Variants in AK7 observed in about 807,000 individuals in gnomAD.
AK7 encodes ATP-AMP transphosphorylase 7.
In AK7, 78 loss-of-function variants were observed where a neutral mutation model predicts 96.6. The ratio of observed to expected loss-of-function variants is 0.81; its 90% confidence interval spans 0.67 to 0.97. AK7 has a LOEUF of 0.97. AK7 is among the 50% of genes least tolerant of loss of function. AK7 has a pLI of 0.00. For synonymous variants in AK7, 302 were observed against 317.2 expected, an observed-to-expected ratio of 0.95 and a Z score of 0.51; for missense variants, 855 against 887.9, an observed-to-expected ratio of 0.96 and a Z score of 0.47.
At chr14:96,446,981 A>T (rs1486418640) in intron 8 of AK7, among the ~76,000 whole-genome samples, 3 of 152,118 alleles carry the variant, frequency 2.0e-5, no homozygotes, top group Non-Finnish European at 4.4e-5. Flanking sequence ...AATAAATTAA[A>T]AAGTTTTGCC....
In AK7 at chr14:96,483,141, G is replaced by C. The variant is rs1335124986; in HGVS notation, c.1896G>C (p.Arg632Ser). The C allele has an allele frequency of 6.2e-7, 1 of 1,613,952 alleles. No individual in the cohort carries two copies. Among genetic ancestry groups the C allele is most frequent in the Non-Finnish European group, 8.5e-7 (1 of 1,180,022 alleles). The change falls in exon 16 of 18, where the codon AGG becomes AGC. Residue 632 changes from arginine (R) to serine (S), a missense_variant. Arg to Ser is a moderately radical substitution (Grantham distance 110). Transcript: ENST00000267584. ...ERKAAEERLAREAAEEAEREH... is the reference protein window; with the variant it reads ...ERKAAEERLASEAAEEAEREH... ...AGGCTGCGGAGGAGCGGCTGGCCAG[G>C]GAGGCTGCTGAGGAAGCAGAACGCG...
At position 96,420,978 on chromosome 14, in the gene AK7, A is replaced by G. The variant is rs74086482; in HGVS notation, c.609+46A>G. The G allele has an allele frequency of 0.015, 19,760 of 1,340,484 alleles. 2,267 individuals carry two copies. The African/African-American group carries it at 0.25, about 17-fold the overall frequency. 83.0% of individuals were successfully genotyped at this position (1,340,484 alleles called of 1,614,324 possible). On this transcript the variant is annotated intron_variant, in intron 5 of 17. Coordinates refer to ENST00000267584, the MANE Select transcript of AK7 (RefSeq NM_152327.5). Reference sequence around the variant, plus strand: ...CATGGACATCATCTGAAGTCTTTAAACATCTCTTTGTGTGGTTTCCTGAGA... The same window carrying G: ...CATGGACATCATCTGAAGTCTTTAAGCATCTCTTTGTGTGGTTTCCTGAGA...
chr14:96,482,394 A>G (rs1042798610), intron 15 of AK7, among the ~76,000 whole-genome samples: 2 of 152,206 alleles, frequency 1.3e-5, no homozygotes, highest in African/African-American at 2.4e-5. Context: ...CCTTCCAAGC[A>G]GCCCTAAGAG....
In AK7 at chr14:96,466,398, G is replaced by A. The variant is rs554271473; in HGVS notation, c.1358-5080G>A. ...ACTACAGGCGCCCGCCACCACGCCCGGCTAATTTTTTTGTATTTTTTAGTA... is the reference window on the plus strand; with the variant it reads ...ACTACAGGCGCCCGCCACCACGCCCAGCTAATTTTTTTGTATTTTTTAGTA... On this transcript the variant is annotated intron_variant, in intron 12 of 17. Transcript: ENST00000267584. Among the ~76,000 whole-genome samples, 25 of 151,944 alleles carry A rather than the reference G, an allele frequency of 1.6e-4. No individual in the cohort carries two copies. In the South Asian group the frequency reaches 4.0e-3, roughly 24 times the overall value.
rs529871518 is a variant in AK7, at chr14:96,409,356, G to A, written c.498+415G>A. ...GGAGGCCGAGGCGGGTGGACCATCT[G>A]AGGTCAGGAGTTTGAGACCAGCCTG... On this transcript the variant is annotated intron_variant, in intron 4 of 17. Coordinates refer to ENST00000267584, the MANE Select transcript of AK7 (RefSeq NM_152327.5). Among the ~76,000 whole-genome samples the A allele has an allele frequency of 5.9e-5, 9 of 152,346 alleles. No homozygotes were observed. The South Asian group carries it at 1.9e-3, about 32-fold the overall frequency.
intron 5 of AK7, among the ~76,000 whole-genome samples, chr14:96,423,018 C>A (rs1227276712): frequency 6.6e-6 from 1 of 152,204 alleles, no homozygotes; most frequent in Non-Finnish European, 1.5e-5. Context: ...TTCTTACCCC[C>A]ATGAAGAGCA....
At chr14:96,415,394 T>G (rs931023023) in intron 4 of AK7, among the ~76,000 whole-genome samples, 1 of 152,196 alleles carries the variant, frequency 6.6e-6, no homozygotes, top group Non-Finnish European at 1.5e-5. Context: ...TGACCCTTGA[T>G]TCCATGTATA....
At chr14:96,408,441 T>A (rs1396364042) in intron 3 of AK7, among the ~76,000 whole-genome samples, 1 of 152,194 alleles carries the variant, frequency 6.6e-6, no homozygotes, top group African/African-American at 2.4e-5. Context: ...ACAAAGCCCA[T>A]GAGTTGTTCT....
chr14:96,446,344 T>G (rs562458740), intron 7 of AK7, among the ~76,000 whole-genome samples, 173 bp from the exon 8 acceptor site: 2 of 152,298 alleles, frequency 1.3e-5, no homozygotes, highest in East Asian at 3.9e-4. Context: ...AGCATCTTCC[T>G]CATGTGGAGA....
rs1252115766 is a variant in AK7 at position 96,456,380 on chromosome 14, G to A, written c.1132G>A (p.Val378Met). Residue 378 changes from valine to methionine, a missense_variant, in exon 11 of 18, where the codon GTG becomes ATG. Coordinates refer to ENST00000267584, the MANE Select transcript of AK7 (RefSeq NM_152327.5). ...GATCTGCATTCTTGGTCCCCCTGCT[G>A]TGGGAAAATCCAGTATTGCTAAAGA... ...IKICILGPPA[V>M]GKSSIAKELA... The A allele has an allele frequency of 6.2e-7, 1 of 1,613,656 alleles. No individual in the cohort carries two copies. The highest frequency in any genetic ancestry group is 1.3e-5 in the African/African-American group (1 of 74,860).
chr14:96,451,464 C>A lies in AK7; in HGVS notation c.992C>A (p.Ala331Glu). Reference sequence around the variant, plus strand: ...TTACTGGTCAACTTAAGAATGGAAGCGCTCTTTGTGAAGGAGAATTTTAAT... The same window carrying A: ...TTACTGGTCAACTTAAGAATGGAAGAGCTCTTTGTGAAGGAGAATTTTAAT... ...DHLLVNLRME[A>E]LFVKENFNIR... Residue 331 changes from alanine (A) to glutamate (E), a missense_variant, in exon 10 of 18, where the codon GCG becomes GAG. Coordinates refer to ENST00000267584, the MANE Select transcript of AK7 (RefSeq NM_152327.5). The A allele has an allele frequency of 6.3e-7, 1 of 1,595,916 alleles. No homozygotes were observed. The highest frequency in any genetic ancestry group is 8.5e-7 in the Non-Finnish European group (1 of 1,170,218).
intron 5 of AK7, 52 bp downstream of exon 5, chr14:96,420,984 C>T (rs1362862870): frequency 1.5e-6 from 2 of 1,291,450 alleles, no homozygotes; most frequent in South Asian, 1.2e-5. Context: ...TTAAACATCT[C>T]TTTGTGTGGT....
intron 14 of AK7, among the ~76,000 whole-genome samples, chr14:96,473,422 C>T (rs1895009694): frequency 6.6e-6 from 1 of 151,428 alleles, no homozygotes; most frequent in Admixed American, 6.6e-5. Flanking sequence ...CTTGGCCTCC[C>T]AAAGTGCTGG....
chr14:96,421,028 T>A, intron 5 of AK7, 96 bp downstream of exon 5: 7 of 820,238 alleles, frequency 8.5e-6, no homozygotes, highest in Non-Finnish European at 1.4e-5. Flanking sequence ...GTCTGAGCTT[T>A]AGGCTCACCC....
intron 2 of AK7, chr14:96,398,968 C>A (rs1477859292): frequency 2.0e-5 from 3 of 148,892 alleles, no homozygotes; most frequent in Non-Finnish European, 3.0e-5. Context: ...CCTGGAGTGG[C>A]CTTCTCTCTT....
At chr14:96,452,732 C>T (rs1186919477) in intron 10 of AK7, among the ~76,000 whole-genome samples, 2 of 152,018 alleles carry the variant, frequency 1.3e-5, no homozygotes, top group Non-Finnish European at 2.9e-5. Context: ...GATCTCGGCT[C>T]ACTGCAACCT....
chr14:96,439,269 A>G (rs1892819537), intron 6 of AK7, among the ~76,000 whole-genome samples: 1 of 151,812 alleles, frequency 6.6e-6, no homozygotes, highest in South Asian at 2.1e-4. Context: ...GAGTCTTGGA[A>G]CCCTCCAATA....
chr14:96,405,061 T>TC (rs1890630677), intron 3 of AK7, 196 bp downstream of exon 3: 2 of 322,864 alleles, frequency 6.2e-6, no homozygotes, highest in Admixed American at 8.5e-5. Context: ...ATCAAAAAAA[T>TC]GAAGGCCGGC....
chr14:96,468,674 G>C (rs913202026), intron 12 of AK7, among the ~76,000 whole-genome samples: 16 of 152,052 alleles, frequency 1.1e-4, no homozygotes, highest in African/African-American at 3.6e-4. Context: ...CTGGGGATGA[G>C]GGGACAGAAG....
Sources: allele counts gnomAD v4.1 joint callset (sites outside exome capture counted in the v4.1 genomes callset), GRCh38; gene constraint gnomAD v4.1.1; transcripts MANE v1.5; gene names NCBI Gene and HGNC (gene_info 2026-07-23, HGNC 2026-07-21).